R3HDM1: variants seen among roughly 807,000 people sequenced by gnomAD.
R3HDM1 encodes R3H domain containing 1.
R3HDM1 carries 46 observed loss-of-function variants against 141.1 expected under a neutral mutation model. The observed-to-expected ratio is 0.33, with a 90% confidence interval of 0.26 to 0.42. The LOEUF is 0.42. R3HDM1 is among the 10% of genes least tolerant of loss of function. The probability of loss-of-function intolerance (pLI) is 1.00; values close to 1 mark genes in which losing one functional copy is unlikely to be tolerated. For synonymous variants in R3HDM1, 435 were observed against 472.9 expected, an observed-to-expected ratio of 0.92 and a Z score of 1.04; for missense variants, 1,184 against 1,368.3, an observed-to-expected ratio of 0.87 and a Z score of 2.12.
intron 21 of R3HDM1, among the ~76,000 whole-genome samples, chr2:135,699,416 G>A (rs1011746069): frequency 6.6e-6 from 1 of 152,162 alleles, no homozygotes; most frequent in African/African-American, 2.4e-5. Flanking sequence ...GAGTTGTAAG[G>A]TCCCCAGGGA....
At chr2:135,676,168 A>C (rs1284077026) in intron 20 of R3HDM1, among the ~76,000 whole-genome samples, 1 of 152,146 alleles carries the variant, frequency 6.6e-6, no homozygotes, top group Non-Finnish European at 1.5e-5. Context: ...TCTACTAAAA[A>C]CACAAAAAAT....
intron 18 of R3HDM1, among the ~76,000 whole-genome samples, chr2:135,653,294 T>C (rs2105283850): frequency 6.6e-6 from 1 of 152,238 alleles, no homozygotes; most frequent in East Asian, 1.9e-4. Flanking sequence ...ACATGCAGCT[T>C]GCAGTGAGCT....
intron 21 of R3HDM1, 151 bp from the exon 22 acceptor site, chr2:135,709,282 C>T: frequency 9.9e-7 from 1 of 1,008,102 alleles, no homozygotes; most frequent in South Asian, 1.7e-5. Context: ...ACCGTATTAG[C>T]CAGGATGTTC....
intron 1 of R3HDM1, among the ~76,000 whole-genome samples, chr2:135,542,746 T>G (rs1252475538): frequency 6.6e-6 from 1 of 152,204 alleles, no homozygotes; most frequent in Non-Finnish European, 1.5e-5. Flanking sequence ...CTATGGTTAC[T>G]ATATGACCAT....
At chr2:135,570,711 G>A (rs1018354415) in intron 1 of R3HDM1, among the ~76,000 whole-genome samples, 1 of 152,226 alleles carries the variant, frequency 6.6e-6, no homozygotes, top group Admixed American at 6.5e-5. Context: ...AGACTTCGTT[G>A]TAGAGATTAT....
chr2:135,641,506 A>C, intron 14 of R3HDM1, 30 bp from the exon 15 acceptor site: 8 of 1,566,242 alleles, frequency 5.1e-6, no homozygotes, highest in Non-Finnish European at 6.9e-6. Flanking sequence ...AGGTTTAAAA[A>C]ATCCATATTT....
intron 1 of R3HDM1, among the ~76,000 whole-genome samples, chr2:135,592,187 A>G (rs761057266): frequency 5.3e-5 from 8 of 152,218 alleles, no homozygotes; most frequent in Admixed American, 6.5e-5. Context: ...AACATAAACT[A>G]TATCATAGTA....
At chr2:135,675,246 C>A in intron 19 of R3HDM1, 86 bp from the exon 20 acceptor site, 2 of 1,288,310 alleles carry the variant, frequency 1.6e-6, no homozygotes, top group Non-Finnish European at 2.1e-6. Context: ...CATTTTAGAG[C>A]ATAAAAGTAC....
At chr2:135,630,963 C>G (rs2062649502) in intron 7 of R3HDM1, among the ~76,000 whole-genome samples, 3 of 151,986 alleles carry the variant, frequency 2.0e-5, no homozygotes, top group Admixed American at 2.0e-4. Context: ...TCTAAAGGAG[C>G]ACATACAGGT....
chr2:135,647,710 T>A (rs2105267305), intron 16 of R3HDM1, among the ~76,000 whole-genome samples: 1 of 152,352 alleles, frequency 6.6e-6, no homozygotes, highest in Non-Finnish European at 1.5e-5. Flanking sequence ...TCAATGAGAT[T>A]GCAAATAACC....
At chr2:135,622,862 T>G in intron 7 of R3HDM1, 130 bp downstream of exon 7, 4 of 1,354,386 alleles carry the variant, frequency 3.0e-6, no homozygotes, top group Non-Finnish European at 2.9e-6. Context: ...AACATTTTAG[T>G]TTTTTAGGGC....
chr2:135,591,035 A>T (rs956843713), intron 1 of R3HDM1, among the ~76,000 whole-genome samples: 1 of 152,166 alleles, frequency 6.6e-6, no homozygotes, highest in Non-Finnish European at 1.5e-5. Context: ...AATGTCTACC[A>T]ATTGTAACCT....
chr2:135,703,742 C>A (rs886782513), intron 21 of R3HDM1, among the ~76,000 whole-genome samples: 10 of 151,542 alleles, frequency 6.6e-5, no homozygotes, highest in Admixed American at 1.3e-4. Context: ...AAGGAAAACC[C>A]AAAAAATGAC....
intron 21 of R3HDM1, among the ~76,000 whole-genome samples, chr2:135,704,510 GCC>G (rs2074644136): frequency 7.0e-6 from 1 of 143,536 alleles, no homozygotes; most frequent in Admixed American, 7.1e-5. Context: ...AGTCTCTTTC[GCC>G]CAGGCCAGAC....
rs868775743 is a variant in R3HDM1 at position 135,600,362 on chromosome 2, T to C, written c.-249-2138T>C. Among the ~76,000 whole-genome samples the C allele has an allele frequency of 4.6e-5, 7 of 152,222 alleles. No homozygotes were observed. In the South Asian group the frequency reaches 1.0e-3, roughly 23 times the overall value. The stretch of plus-strand genomic sequence containing the variant: ...CTGTCAGTCTACTGCTGTGTAGTGG[T>C]AGGGGTCAGGACACAGCAAATTTAG... On this transcript the variant is annotated intron_variant, in intron 1 of 26. Transcript: ENST00000683871.
chr2:135,722,170 C>G (rs16831978), intron 25 of R3HDM1, among the ~76,000 whole-genome samples, 164 bp downstream of exon 25: 1 of 152,160 alleles, frequency 6.6e-6, no homozygotes, highest in East Asian at 1.9e-4. Context: ...AGGAGCAGAG[C>G]AAAGGAGAAG....
At chr2:135,550,323 G>A (rs1230959321) in intron 1 of R3HDM1, 3 of 765,452 alleles carry the variant, frequency 3.9e-6, no homozygotes, top group East Asian at 1.3e-4. Flanking sequence ...TCTTAGGCAA[G>A]CAGCTTTCAT....
intron 1 of R3HDM1, among the ~76,000 whole-genome samples, chr2:135,585,391 G>A (rs1371271828): frequency 6.6e-6 from 1 of 152,198 alleles, no homozygotes; most frequent in African/African-American, 2.4e-5. Flanking sequence ...AGAAAAGTGG[G>A]ATTTCTGGTT....
intron 1 of R3HDM1, among the ~76,000 whole-genome samples, chr2:135,595,273 CCT>C (rs1710378994): frequency 6.6e-6 from 1 of 152,192 alleles, no homozygotes; most frequent in Non-Finnish European, 1.5e-5. Flanking sequence ...TTCAGTGTGT[CCT>C]CTCATAACTC....
Sources: allele counts gnomAD v4.1 joint callset (sites outside exome capture counted in the v4.1 genomes callset), GRCh38; gene constraint gnomAD v4.1.1; transcripts MANE v1.5; gene names NCBI Gene and HGNC (gene_info 2026-07-23, HGNC 2026-07-21).